PARP16: variants seen among roughly 807,000 people sequenced by gnomAD.
The protein encoded by PARP16 is poly(ADP-ribose) polymerase family member 16.
In PARP16, 31 loss-of-function variants were observed where a neutral mutation model predicts 35.0. The ratio of observed to expected loss-of-function variants is 0.88; its 90% CI spans 0.66 to 1.19. The LOEUF (loss-of-function observed/expected upper bound fraction) is 1.19. PARP16 is among the 50% of genes most tolerant of loss of function. The pLI is 0.00. For synonymous variants in PARP16, 162 were observed against 169.5 expected (o/e 0.96, Z 0.34); for missense variants, 424 against 411.2 (o/e 1.03, Z -0.27).
downstream of PARP16, among the ~76,000 whole-genome samples, chr15:65,257,809 T>C (rs1173223984): frequency 6.6e-6 from 1 of 152,144 alleles, no homozygotes; most frequent in African/African-American, 2.4e-5. Context: ...ACCTCACTCT[T>C]GAAATGTTTG....
chr15:65,277,958 T>C (rs1240096748), intron 1 of PARP16, among the ~76,000 whole-genome samples: 6 of 152,184 alleles, frequency 3.9e-5, no homozygotes, highest in African/African-American at 1.4e-4. Context: ...CATCAGTACA[T>C]GGCAGTGGAA....
At chr15:65,235,742 G>C (rs555260493) in intron 3 of PARP16, among the ~76,000 whole-genome samples, 38 of 151,616 alleles carry the variant, frequency 2.5e-4, no homozygotes, top group African/African-American at 9.2e-4. Context: ...CTGGAGTCGA[G>C]GGGGCAGTGA....
chr15:65,239,907 C>A (rs564277090), intron 3 of PARP16, among the ~76,000 whole-genome samples: 123 of 147,926 alleles, frequency 8.3e-4, no homozygotes, highest in African/African-American at 3.0e-3. Flanking sequence ...CCGCTCACCT[C>A]GGCCTCCCAA....
At chr15:65,243,845 T>C (rs892125347) in intron 3 of PARP16, among the ~76,000 whole-genome samples, 3 of 151,910 alleles carry the variant, frequency 2.0e-5, no homozygotes, top group Non-Finnish European at 4.4e-5. Context: ...CCTCCCTAAG[T>C]CCTTATTGTG....
At chr15:65,255,665 AG>A (rs1350995419), downstream of PARP16, among the ~76,000 whole-genome samples, 3 of 144,118 alleles carry the variant, frequency 2.1e-5, no homozygotes, top group Non-Finnish European at 4.5e-5. Flanking sequence ...CAGTCATATC[AG>A]GTATTGCGTT....
rs183694363 is a variant in PARP16 at position 65,244,556 on chromosome 15, A to G, written c.*97+3561T>C. On this transcript the variant is annotated intron_variant and NMD_transcript_variant, in intron 3 of 3. Transcript: ENST00000559805. ...GGGAAAGACCCGCCCCCATGACTCAATGATCTCCCACCGGGTCCCTCCCAC... is the reference window on the plus strand; with the variant it reads ...GGGAAAGACCCGCCCCCATGACTCAGTGATCTCCCACCGGGTCCCTCCCAC... Among the ~76,000 whole-genome samples the G allele has an allele frequency of 3.4e-3, 517 of 152,256 alleles. 4 individuals carry two copies. Among genetic ancestry groups the G allele is most frequent in the Admixed American group, 6.9e-3 (105 of 15,278 alleles).
At chr15:65,282,352 T>C (rs2090444925) in intron 1 of PARP16, among the ~76,000 whole-genome samples, 1 of 152,210 alleles carries the variant, frequency 6.6e-6, no homozygotes, top group Admixed American at 6.6e-5. Context: ...TTCAGGTAAC[T>C]ACAAAATGAT....
chr15:65,233,230 G>A (rs2088801732), downstream of PARP16, among the ~76,000 whole-genome samples: 1 of 152,030 alleles, frequency 6.6e-6, no homozygotes, highest in Non-Finnish European at 1.5e-5. Context: ...TGGCTAACAT[G>A]GTGAAACCCC....
chr15:65,261,923 A>T (rs1036926000), intron 4 of PARP16, among the ~76,000 whole-genome samples: 2 of 152,238 alleles, frequency 1.3e-5, no homozygotes, highest in African/African-American at 2.4e-5. Context: ...GCTGCGTGAC[A>T]GCAGAAGTTG....
Position 65,259,353 on chromosome 15 carries a change from C to A in PARP16, c.*54G>T. The A allele has an allele frequency of 6.3e-7, 1 of 1,597,476 alleles. No homozygotes were observed. The highest frequency in any genetic ancestry group is 8.6e-7 in the Non-Finnish European group (1 of 1,166,170). ...GACATGAGGCATAGGAGGTACAGAA[C>A]AAGTTACCATAAGGCACATAGTTGA... is the stretch of plus-strand genomic sequence containing the variant. On this transcript the variant is annotated 3_prime_UTR_variant, in exon 6 of 6. Transcript: ENST00000649807.
chr15:65,239,424 T>TAAAAAAAAAAAAAAAAAAAAAA (rs758350761), intron 3 of PARP16, among the ~76,000 whole-genome samples: 1 of 6,960 alleles, frequency 1.4e-4, no homozygotes, highest in Non-Finnish European at 2.2e-4. Flanking sequence ...AGACTTTGCC[T>TAAAAAAAAAAAAAAAAAAAAAA]AAAAAAAAAA....
At chr15:65,265,203 T>C (rs1437730199) in intron 3 of PARP16, among the ~76,000 whole-genome samples, 3 of 152,236 alleles carry the variant, frequency 2.0e-5, no homozygotes, top group Non-Finnish European at 4.4e-5. Context: ...GATACTGCCA[T>C]GACTGGGGGA....
At chr15:65,272,825 T>A (rs1367494665) in intron 1 of PARP16, among the ~76,000 whole-genome samples, 1 of 152,128 alleles carries the variant, frequency 6.6e-6, no homozygotes, top group Non-Finnish European at 1.5e-5. Context: ...CGCCAAGGGG[T>A]TGTCAGGAAG....
chr15:65,267,678 C>CTTTTTTTTTTTTTTTTT lies in PARP16; in HGVS notation c.313-927_313-911dup, dbSNP rs556058787. On this transcript the variant is annotated intron_variant, in intron 2 of 5. Transcript: ENST00000649807. ...TGGAGATCACTTCTAATTTTCCTAA[C>CTTTTTTTTTTTTTTTTT]TTTTTTTTTTTTTTTTTTTTTTTTT... Among the ~76,000 whole-genome samples the CTTTTTTTTTTTTTTTTT allele has an allele frequency of 3.8e-5, 2 of 53,034 alleles. 1 individual carries two copies. Among genetic ancestry groups the CTTTTTTTTTTTTTTTTT allele is most frequent in the African/African-American group, 1.5e-4 (2 of 13,740 alleles). The allele number at this position is 53,034 out of a possible 152,430, so 34.8% of individuals were successfully genotyped here. A position where few individuals can be genotyped will look rare whatever the true frequency, so the allele number is the denominator to read the frequency against.
At chr15:65,235,320 T>G (rs1302043382) in intron 3 of PARP16, among the ~76,000 whole-genome samples, 1 of 151,092 alleles carries the variant, frequency 6.6e-6, no homozygotes, top group East Asian at 1.9e-4. Context: ...CAAAAAAAAT[T>G]AATAAAAAAT....
At chr15:65,254,291 A>G (rs1185471352), downstream of PARP16, among the ~76,000 whole-genome samples, 1 of 152,190 alleles carries the variant, frequency 6.6e-6, no homozygotes, top group Non-Finnish European at 1.5e-5. Flanking sequence ...GAGTGGGTGG[A>G]GACGGTGGTT....
downstream of PARP16, among the ~76,000 whole-genome samples, chr15:65,256,061 TA>T (rs1365068002): frequency 9.8e-5 from 15 of 152,352 alleles, no homozygotes; most frequent in Admixed American, 4.6e-4. Flanking sequence ...TTCTCAGGTA[TA>T]ACCGTGGTTT....
chr15:65,256,050 C>T (rs1323252675), downstream of PARP16, among the ~76,000 whole-genome samples: 1 of 152,216 alleles, frequency 6.6e-6, no homozygotes, highest in Non-Finnish European at 1.5e-5. Flanking sequence ...CCAACAGACA[C>T]TTCTCAGGTA....
chr15:65,277,518 C>T (rs2090293229), intron 1 of PARP16, among the ~76,000 whole-genome samples: 1 of 152,216 alleles, frequency 6.6e-6, no homozygotes, highest in Non-Finnish European at 1.5e-5. Context: ...AGAATAAATG[C>T]TTTGCATGAA....
Sources: gnomAD v4.1 joint callset for allele counts (sites outside exome capture counted in the v4.1 genomes callset) on GRCh38, gnomAD v4.1.1 for gene constraint, MANE v1.5 for transcripts, NCBI Gene and HGNC (gene_info 2026-07-23, HGNC 2026-07-21) for gene names.